CTTNBP2: variants seen among roughly 807,000 people sequenced by gnomAD.
The protein encoded by CTTNBP2 is cortactin-binding protein 2.
In CTTNBP2, 108 loss-of-function variants were observed where a neutral mutation model predicts 156.9. The observed-to-expected ratio is 0.69, with a 90% CI of 0.59 to 0.81. CTTNBP2 has a LOEUF of 0.81. CTTNBP2 is among the 30% of genes least tolerant of loss of function. The pLI, the probability that CTTNBP2 is intolerant of heterozygous loss-of-function variation, is 0.00. For missense variants in CTTNBP2, 1,924 were observed against 2,035.4 expected (o/e 0.95, Z 1.05); for synonymous variants, 767 against 751.8 (o/e 1.02, Z -0.33).
At chr7:117,736,564 C>T (rs928728699) in intron 14 of CTTNBP2, among the ~76,000 whole-genome samples, 3 of 152,102 alleles carry the variant, frequency 2.0e-5, no homozygotes, top group Non-Finnish European at 2.9e-5. Context: ...GAGTAAAATC[C>T]AGCACTTCCG....
intron 1 of CTTNBP2, among the ~76,000 whole-genome samples, chr7:117,868,372 T>C (rs1804351243): frequency 6.6e-6 from 1 of 152,224 alleles, no homozygotes; most frequent in Admixed American, 6.5e-5. Context: ...CCAAATCATC[T>C]GCAAACAAGT....
intron 3 of CTTNBP2, among the ~76,000 whole-genome samples, chr7:117,804,285 A>C (rs936372928): frequency 6.6e-6 from 1 of 152,142 alleles, no homozygotes; most frequent in African/African-American, 2.4e-5. Context: ...AATTTTAATA[A>C]ATGTTATGAG....
intron 1 of CTTNBP2, among the ~76,000 whole-genome samples, chr7:117,870,788 G>T (rs1804540058): frequency 1.3e-5 from 2 of 152,162 alleles, no homozygotes; most frequent in Admixed American, 1.3e-4. Flanking sequence ...AGGTTTCCCG[G>T]CACGGTTCAC....
chr7:117,794,440 T>C (rs1799203212), intron 3 of CTTNBP2, among the ~76,000 whole-genome samples: 1 of 152,238 alleles, frequency 6.6e-6, no homozygotes, highest in South Asian at 2.1e-4. Context: ...TTTTCTCCTG[T>C]AGATGTTAAA....
intron 21 of CTTNBP2, 141 bp from the exon 22 acceptor site, chr7:117,718,260 TGAAA>T (rs1794570129): frequency 2.2e-6 from 1 of 464,492 alleles, no homozygotes. Flanking sequence ...ACTGTTCACA[TGAAA>T]GAAAGACTTC....
chr7:117,785,697 C>A (rs552687889), intron 4 of CTTNBP2, among the ~76,000 whole-genome samples: 3 of 152,296 alleles, frequency 2.0e-5, no homozygotes, highest in African/African-American at 7.2e-5. Flanking sequence ...TGTTAAGGAA[C>A]TATACCATTT....
chr7:117,819,220 GA>G (rs922160285), intron 2 of CTTNBP2, among the ~76,000 whole-genome samples: 3 of 152,066 alleles, frequency 2.0e-5, no homozygotes, highest in African/African-American at 7.2e-5. Context: ...AAGGAAGGGG[GA>G]AAATCCTATT....
chr7:117,720,946 T>G, intron 20 of CTTNBP2, 121 bp downstream of exon 20: 1 of 745,966 alleles, frequency 1.3e-6, no homozygotes, highest in Non-Finnish European at 2.4e-6. Context: ...ATATATAACT[T>G]TTTTAAAACC....
At chr7:117,860,242 C>T (rs1563074150) in intron 2 of CTTNBP2, among the ~76,000 whole-genome samples, 2 of 152,090 alleles carry the variant, frequency 1.3e-5, no homozygotes, top group African/African-American at 4.8e-5. Flanking sequence ...AAAACAAGCA[C>T]CAAATTATGT....
At chr7:117,821,588 A>AT (rs61303861) in intron 2 of CTTNBP2, among the ~76,000 whole-genome samples, 7,067 of 134,664 alleles carry the variant, frequency 0.052, 402 homozygotes, top group African/African-American at 0.12. Flanking sequence ...TCTGTTTAGG[A>AT]TTTTTTTTTT....
At chr7:117,733,434 C>A (rs1047356309) in intron 16 of CTTNBP2, among the ~76,000 whole-genome samples, 9 of 152,134 alleles carry the variant, frequency 5.9e-5, no homozygotes, top group Non-Finnish European at 1.3e-4. Context: ...TGAAATAGTG[C>A]CAATCCTACA....
intron 1 of CTTNBP2, chr7:117,872,042 T>C: frequency 1.2e-6 from 1 of 845,840 alleles, no homozygotes; most frequent in Non-Finnish European, 1.4e-6. Context: ...AATCTTAAAG[T>C]TCTCATTTTC....
intron 2 of CTTNBP2, among the ~76,000 whole-genome samples, chr7:117,826,598 C>T (rs2117054060): frequency 6.6e-6 from 1 of 152,000 alleles, no homozygotes; most frequent in Admixed American, 6.5e-5. Context: ...TAAATCATAT[C>T]CTTTGTTTTC....
intron 9 of CTTNBP2, among the ~76,000 whole-genome samples, chr7:117,764,816 TACAC>T (rs1303416108): frequency 6.6e-6 from 1 of 152,258 alleles, no homozygotes; most frequent in Non-Finnish European, 1.5e-5. Context: ...TGTCTCCTGA[TACAC>T]ACATGCAAGA....
intron 2 of CTTNBP2, among the ~76,000 whole-genome samples, chr7:117,858,567 A>G (rs963530581): frequency 1.3e-5 from 2 of 152,162 alleles, no homozygotes; most frequent in African/African-American, 4.8e-5. Flanking sequence ...GTGGTTCTCC[A>G]CAGGAGCAGT....
chr7:117,786,530 C>T (rs537731992), intron 4 of CTTNBP2: 16 of 355,186 alleles, frequency 4.5e-5, no homozygotes, highest in East Asian at 8.4e-5. Context: ...CATAAAACCT[C>T]GACTGCAAAG....
chr7:117,840,384 C>T (rs10273043), intron 2 of CTTNBP2, among the ~76,000 whole-genome samples: 48,897 of 151,736 alleles, frequency 0.32, 9,157 homozygotes, highest in African/African-American at 0.51. Flanking sequence ...CTAAATTAGC[C>T]AGGTGCAGTG....
In CTTNBP2 at chr7:117,721,135, TAAAAA is replaced by T. The variant is rs764589410; in HGVS notation, c.4448-10_4448-6del. 3 of 1,550,998 alleles carry T rather than the reference TAAAAA, an allele frequency of 1.9e-6. No homozygotes were observed. The highest frequency in any genetic ancestry group is 1.4e-5 in the African/African-American group (1 of 73,640). ...ATATAGTCTTATTTTTCATACCTGT[TAAAAA>T]AGAGAACCATTTTCAATAGATCATT... On this transcript the variant is annotated splice_region_variant and splice_polypyrimidine_tract_variant and intron_variant, in intron 19 of 22. Coordinates refer to ENST00000160373, the MANE Select transcript of CTTNBP2 (RefSeq NM_033427.3).
chr7:117,831,685 G>A (rs1355070130), intron 2 of CTTNBP2, among the ~76,000 whole-genome samples: 2 of 37,474 alleles, frequency 5.3e-5, no homozygotes, highest in Non-Finnish European at 7.6e-5. Flanking sequence ...ATGTTGGCTA[G>A]AAGGAGCCTA....
Sources: gnomAD v4.1 joint callset for allele counts (sites outside exome capture counted in the v4.1 genomes callset) on GRCh38, gnomAD v4.1.1 for gene constraint, MANE v1.5 for transcripts, NCBI Gene and HGNC (gene_info 2026-07-23, HGNC 2026-07-21) for gene names.